Variants in MSRB3 observed in about 807,000 individuals in gnomAD.
The protein encoded by MSRB3 is methionine sulfoxide reductase B3, also known as methionine-R-sulfoxide reductase B3.
In MSRB3, 13 loss-of-function variants were observed where a neutral mutation model predicts 21.0. The ratio of observed to expected loss-of-function variants is 0.62; its 90% CI spans 0.40 to 0.98. The LOEUF is 0.98. Among genes scored for constraint, MSRB3 ranks in the 50% least tolerant of loss-of-function variants. The probability of loss-of-function intolerance (pLI) is 0.00; values close to 1 mark genes in which losing one functional copy is unlikely to be tolerated. For synonymous variants in MSRB3, 87 were observed against 88.6 expected (o/e 0.98, Z 0.10); for missense variants, 199 against 230.3 (o/e 0.86, Z 0.88).
At chr12:65,306,059 A>G (rs955117855) in intron 1 of MSRB3, among the ~76,000 whole-genome samples, 14 of 152,290 alleles carry the variant, frequency 9.2e-5, no homozygotes, top group African/African-American at 3.1e-4. Flanking sequence ...CCGAGAGGGT[A>G]AGCAAGTTGT....
intron 1 of MSRB3, among the ~76,000 whole-genome samples, chr12:65,287,898 G>T (rs1016906555): frequency 1.3e-5 from 2 of 152,098 alleles, no homozygotes; most frequent in Non-Finnish European, 2.9e-5. Flanking sequence ...CAGTGAATTG[G>T]AAAACTAGGT....
chr12:65,286,459 T>A (rs1872354765), intron 1 of MSRB3: 1 of 152,192 alleles, frequency 6.6e-6, no homozygotes, highest in African/African-American at 2.4e-5. Flanking sequence ...TTAAAAATTA[T>A]ATTTTTAGGT....
chr12:65,358,440 A>G (rs1877513925), intron 4 of MSRB3, among the ~76,000 whole-genome samples: 1 of 152,038 alleles, frequency 6.6e-6, no homozygotes, highest in Admixed American at 6.6e-5. Flanking sequence ...TATAATCAAT[A>G]CTACTTTATT....
chr12:65,403,024 G>A (rs775548908), intron 5 of MSRB3, among the ~76,000 whole-genome samples: 5 of 152,198 alleles, frequency 3.3e-5, no homozygotes, highest in Non-Finnish European at 4.4e-5. Context: ...GAGCTCTCCT[G>A]TATGAGGTGT....
intron 5 of MSRB3, among the ~76,000 whole-genome samples, chr12:65,427,099 T>C (rs1008314023): frequency 6.6e-6 from 1 of 152,236 alleles, no homozygotes; most frequent in African/African-American, 2.4e-5. Context: ...TATGTCTCCC[T>C]GGTTTTTTAT....
At chr12:65,386,620 T>C (rs137986264) in intron 5 of MSRB3, among the ~76,000 whole-genome samples, 69 of 152,112 alleles carry the variant, frequency 4.5e-4, no homozygotes, top group African/African-American at 1.5e-3. Flanking sequence ...ATTAAATAGA[T>C]ACCTGGTTTA....
chr12:65,298,228 T>A (rs2136406303), intron 1 of MSRB3, among the ~76,000 whole-genome samples: 1 of 152,286 alleles, frequency 6.6e-6, no homozygotes, highest in Non-Finnish European at 1.5e-5. Flanking sequence ...GGTCTCAAAC[T>A]CCTGAGCTCA....
At chr12:65,370,592 AT>A (rs34133329) in intron 5 of MSRB3, among the ~76,000 whole-genome samples, 1 of 152,238 alleles carries the variant, frequency 6.6e-6, no homozygotes. Flanking sequence ...AAGTCAGACA[AT>A]TTATGTTAAC....
intron 4 of MSRB3, 86 bp from the exon 5 acceptor site, chr12:65,368,912 C>A (rs946818504): frequency 8.5e-6 from 6 of 710,040 alleles, no homozygotes; most frequent in African/African-American, 6.3e-5. Context: ...ATTACCTCCC[C>A]TCCCAACCAC....
intron 5 of MSRB3, among the ~76,000 whole-genome samples, chr12:65,439,337 T>C (rs958986119): frequency 4.0e-5 from 6 of 151,742 alleles, no homozygotes; most frequent in African/African-American, 1.4e-4. Flanking sequence ...ATAGTTACGG[T>C]GGATAACTTT....
chr12:65,463,820 G>A lies in MSRB3; in HGVS notation c.*498G>A, dbSNP rs1229895403. The A allele has an allele frequency of 6.9e-6, 1 of 144,838 alleles. No individual in the cohort carries two copies. The highest frequency in any genetic ancestry group is 2.1e-4 in the East Asian group (1 of 4,776). 9.0% of individuals were successfully genotyped at this position (144,838 alleles called of 1,614,324 possible). A position where few individuals can be genotyped will look rare whatever the true frequency, so the allele number is the denominator to read the frequency against. ...GACTGTTCAGCTTTGTGGAAAGTTT[G>A]AGCTAAGGTCATTTTTTTTTTTCTC... On this transcript the variant is annotated 3_prime_UTR_variant, in exon 7 of 7. Coordinates refer to ENST00000308259, the MANE Select transcript of MSRB3 (RefSeq NM_001031679.3).
At position 65,464,510 on chromosome 12, in the gene MSRB3, C is replaced by T. The variant is rs1432520509; in HGVS notation, c.*1188C>T. On this transcript the variant is annotated 3_prime_UTR_variant, in exon 7 of 7. Coordinates refer to ENST00000308259, the MANE Select transcript of MSRB3 (RefSeq NM_001031679.3). ...GACAACTGTAAAATATTGAGCCCCA[C>T]TTGGTCTAAAATTCAAAAAGAAGAA... 6.6e-6 allele frequency: 1 copy of T among 152,208 alleles called. No homozygotes were observed. Among genetic ancestry groups the T allele is most frequent in the Non-Finnish European group, 1.5e-5 (1 of 68,066 alleles). 9.4% of individuals were successfully genotyped at this position (152,208 alleles called of 1,614,324 possible).
At chr12:65,341,223 C>T (rs1388227343) in intron 4 of MSRB3, among the ~76,000 whole-genome samples, 1 of 151,938 alleles carries the variant, frequency 6.6e-6, no homozygotes, top group Admixed American at 6.6e-5. Flanking sequence ...TAGTATTCAG[C>T]CATAAAAAAT....
rs115643183 is a variant in MSRB3, at chr12:65,319,013, A to G, written c.77-7813A>G. On this transcript the variant is annotated intron_variant, in intron 2 of 6. Coordinates refer to ENST00000308259, the MANE Select transcript of MSRB3 (RefSeq NM_001031679.3). Reference sequence around the variant, plus strand: ...AGGATGAATGTAGTGCTAAACTTCTATTGTTTCCCAACAAGAAAATAATGT... The same window carrying G: ...AGGATGAATGTAGTGCTAAACTTCTGTTGTTTCCCAACAAGAAAATAATGT... Among the ~76,000 whole-genome samples the G allele has an allele frequency of 4.3e-3, 661 of 152,250 alleles. 6 individuals carry two copies. Among genetic ancestry groups the G allele is most frequent in the African/African-American group, 0.015 (620 of 41,554 alleles).
intron 4 of MSRB3, among the ~76,000 whole-genome samples, chr12:65,341,784 G>C (rs1313141796): frequency 2.6e-5 from 4 of 151,932 alleles, no homozygotes; most frequent in Non-Finnish European, 5.9e-5. Flanking sequence ...CAAGTAACAT[G>C]TCATGACAAG....
intron 1 of MSRB3, among the ~76,000 whole-genome samples, chr12:65,291,397 T>C (rs1872657757): frequency 6.6e-6 from 1 of 151,964 alleles, no homozygotes; most frequent in Non-Finnish European, 1.5e-5. Context: ...CCAGCTTCTG[T>C]GGCTTTTTTG....
At chr12:65,318,751 T>C (rs1465502205) in intron 2 of MSRB3, among the ~76,000 whole-genome samples, 4 of 152,162 alleles carry the variant, frequency 2.6e-5, no homozygotes, top group Non-Finnish European at 4.4e-5. Context: ...TTCCCTAAAC[T>C]CTAGGCTTTG....
At chr12:65,398,220 C>CT (rs1414588628) in intron 5 of MSRB3, among the ~76,000 whole-genome samples, 1 of 152,186 alleles carries the variant, frequency 6.6e-6, no homozygotes, top group Non-Finnish European at 1.5e-5. Context: ...ATTTACACTC[C>CT]TACCAACAGT....
At chr12:65,299,394 A>G (rs369851162) in intron 1 of MSRB3, among the ~76,000 whole-genome samples, 2 of 152,178 alleles carry the variant, frequency 1.3e-5, no homozygotes, top group South Asian at 4.1e-4. Context: ...ATGACCTGTT[A>G]GGTTTGTCTT....
Sources: allele counts gnomAD v4.1 joint callset (sites outside exome capture counted in the v4.1 genomes callset), GRCh38; gene constraint gnomAD v4.1.1; transcripts MANE v1.5; gene names NCBI Gene and HGNC (gene_info 2026-07-23, HGNC 2026-07-21).